Variants in VSTM2L observed in about 807,000 individuals in gnomAD.
VSTM2L encodes V-set and transmembrane domain-containing protein 2-like protein.
VSTM2L carries 9 observed loss-of-function variants against 19.9 expected under a neutral mutation model. The ratio of observed to expected loss-of-function variants is 0.45; its 90% CI spans 0.27 to 0.79. The LOEUF (loss-of-function observed/expected upper bound fraction) is 0.79. Ranked by LOEUF, VSTM2L falls within the 30% of genes least tolerant of loss-of-function variation. VSTM2L has a pLI of 0.15. For missense variants in VSTM2L, 286 were observed against 295.5 expected, an observed-to-expected ratio of 0.97 and a Z score of 0.24; for synonymous variants, 127 against 133.8, an observed-to-expected ratio of 0.95 and a Z score of 0.35.
At chr20:37,920,147 G>A (rs1323827002) in intron 1 of VSTM2L, among the ~76,000 whole-genome samples, 2 of 152,242 alleles carry the variant, frequency 1.3e-5, no homozygotes, top group Non-Finnish European at 2.9e-5. Context: ...AACGGAGCCA[G>A]CAGAAACAGG....
intron 3 of VSTM2L, among the ~76,000 whole-genome samples, chr20:37,942,867 T>C (rs954553821): frequency 2.6e-5 from 4 of 152,264 alleles, no homozygotes; most frequent in Non-Finnish European, 5.9e-5. Flanking sequence ...CAAACATCCT[T>C]GCTCCCCCCA....
chr20:37,916,097 G>A (rs2072817017), intron 1 of VSTM2L, among the ~76,000 whole-genome samples: 1 of 152,192 alleles, frequency 6.6e-6, no homozygotes, highest in Non-Finnish European at 1.5e-5. Context: ...CCTCCCGGCA[G>A]CAGAGGATGG....
chr20:37,906,565 G>A (rs2072753194), intron 1 of VSTM2L, among the ~76,000 whole-genome samples: 1 of 152,250 alleles, frequency 6.6e-6, no homozygotes, highest in African/African-American at 2.4e-5. Context: ...ATTCATGCAA[G>A]GTTGGTGTTG....
intron 1 of VSTM2L, among the ~76,000 whole-genome samples, chr20:37,916,661 A>T (rs955981141): frequency 1.3e-5 from 2 of 152,352 alleles, no homozygotes; most frequent in African/African-American, 4.8e-5. Context: ...ATCTGTAAGA[A>T]GAGGACAATG....
At position 37,924,584 on chromosome 20, in the gene VSTM2L, T is replaced by A. The variant is rs1042109984; in HGVS notation, c.122-7051T>A. On this transcript the variant is annotated intron_variant, in intron 1 of 3. Transcript: ENST00000373461. ...AAAAAAAAAAAACAAAACAAAATAA[T>A]AAATAAATAAACAAAACAAAGAGCT... Among the ~76,000 whole-genome samples the A allele has an allele frequency of 4.4e-4, 65 of 146,936 alleles. No homozygotes were observed. The East Asian group carries it at 8.0e-3, about 18-fold the overall frequency.
intron 1 of VSTM2L, among the ~76,000 whole-genome samples, chr20:37,908,025 G>A (rs190864801): frequency 7.2e-4 from 109 of 152,254 alleles, no homozygotes; most frequent in African/African-American, 2.5e-3. Flanking sequence ...TCTTTGTCTC[G>A]GGCGTTGGTG....
chr20:37,935,977 T>G (rs1238272170), intron 3 of VSTM2L, among the ~76,000 whole-genome samples: 1 of 151,212 alleles, frequency 6.6e-6, no homozygotes, highest in Non-Finnish European at 1.5e-5. Flanking sequence ...CTCCGCCTCC[T>G]GAGTTCGAGA....
intron 1 of VSTM2L, among the ~76,000 whole-genome samples, chr20:37,917,089 G>A (rs539146699): frequency 3.9e-5 from 6 of 152,248 alleles, no homozygotes; most frequent in Admixed American, 3.3e-4. Context: ...CAAGACGGGC[G>A]GATCACGAGG....
chr20:37,926,662 G>A (rs890819284), intron 1 of VSTM2L, among the ~76,000 whole-genome samples: 1 of 152,210 alleles, frequency 6.6e-6, no homozygotes, highest in South Asian at 2.1e-4. Flanking sequence ...CCAGCACAAG[G>A]CATTTGGACA....
chr20:37,928,630 C>T (rs531668759), intron 1 of VSTM2L, among the ~76,000 whole-genome samples: 2 of 152,210 alleles, frequency 1.3e-5, no homozygotes, highest in Non-Finnish European at 2.9e-5. Context: ...TGGCTCGTGC[C>T]TGTAGTTCCA....
At chr20:37,914,099 A>G (rs2072796179) in intron 1 of VSTM2L, among the ~76,000 whole-genome samples, 1 of 151,944 alleles carries the variant, frequency 6.6e-6, no homozygotes, top group African/African-American at 2.4e-5. Context: ...ACGTGGGATC[A>G]GAAAAAGAGG....
rs2072731082 is a variant in VSTM2L, at chr20:37,903,222, A to T, written c.-129A>T. The T allele has an allele frequency of 1.7e-6, 2 of 1,160,344 alleles. No homozygotes were observed. The highest frequency in any genetic ancestry group is 3.3e-4 in the Middle Eastern group (1 of 3,022). 71.9% of individuals were successfully genotyped at this position (1,160,344 alleles called of 1,614,324 possible). On this transcript the variant is annotated 5_prime_UTR_variant, in exon 1 of 4. Transcript: ENST00000373461. ...GCTGGGAGCTGGGCCGGGTCCGGGGACAGCGGGCGAGGGGCAGCTGCCGGA... is the reference window on the plus strand; with the variant it reads ...GCTGGGAGCTGGGCCGGGTCCGGGGTCAGCGGGCGAGGGGCAGCTGCCGGA...
intron 1 of VSTM2L, among the ~76,000 whole-genome samples, chr20:37,923,884 G>T (rs969911768): frequency 6.6e-6 from 1 of 152,154 alleles, no homozygotes; most frequent in Admixed American, 6.5e-5. Flanking sequence ...CTGAAAAGGG[G>T]GATAATAATG....
Position 37,918,963 on chromosome 20 carries a change from T to G in VSTM2L, c.122-12672T>G, listed in dbSNP as rs376681536. Among the ~76,000 whole-genome samples, 43 of 152,362 alleles carry G rather than the reference T, an allele frequency of 2.8e-4. 2 individuals are homozygous for G. Among genetic ancestry groups the G allele is most frequent in the African/African-American group, 9.9e-4 (41 of 41,574 alleles). On this transcript the variant is annotated intron_variant, in intron 1 of 3. Transcript: ENST00000373461. ...ATGGCCATATGAACAGTGCACATTC[T>G]GAACAACTGTACATGGCAGTCCAGG...
At chr20:37,940,646 AGTGGATATC>A (rs2072966852) in intron 3 of VSTM2L, among the ~76,000 whole-genome samples, 1 of 152,220 alleles carries the variant, frequency 6.6e-6, no homozygotes, top group Admixed American at 6.5e-5. Context: ...CCATCTGCAA[AGTGGATATC>A]GTTATGTGTA....
chr20:37,921,182 A>G (rs2072848743), intron 1 of VSTM2L, among the ~76,000 whole-genome samples: 1 of 152,200 alleles, frequency 6.6e-6, no homozygotes, highest in South Asian at 2.1e-4. Flanking sequence ...CTTCCACCCT[A>G]GCCTGAGGAG....
At chr20:37,939,574 C>G (rs1036910249) in intron 3 of VSTM2L, among the ~76,000 whole-genome samples, 3 of 152,130 alleles carry the variant, frequency 2.0e-5, no homozygotes, top group Non-Finnish European at 4.4e-5. Context: ...TTTGCCTTCT[C>G]CAGATTGTGC....
In VSTM2L at chr20:37,903,440, C is replaced by A. The variant is rs1248284461; in HGVS notation, c.90C>A (p.His30Gln). ...QLGGATRPAG[H>Q]APWDNHVSGH... ...GCGGCGCCACGCGGCCCGCCGGCCA[C>A]GCGCCCTGGGACAACCACGTCTCCG... Residue 30 changes from histidine (H) to glutamine (Q), a missense_variant, in exon 1 of 4, where the codon CAC becomes CAA. Physicochemically the swap from His to Gln is conservative, Grantham distance 24. Coordinates refer to ENST00000373461, the MANE Select transcript of VSTM2L (RefSeq NM_080607.3). 3 of 1,486,942 alleles carry A rather than the reference C, an allele frequency of 2.0e-6. No individual in the cohort carries two copies. The highest frequency in any genetic ancestry group is 2.7e-6 in the Non-Finnish European group (3 of 1,125,042). The allele number at this position is 1,486,942 out of a possible 1,614,324, so 92.1% of individuals were successfully genotyped here.
intron 1 of VSTM2L, among the ~76,000 whole-genome samples, chr20:37,903,893 C>T (rs75735503): frequency 0.024 from 3,605 of 151,302 alleles, 73 homozygotes; most frequent in Admixed American, 0.039. Flanking sequence ...TGCCAGCTGG[C>T]GCACACGCTT....
Sources: allele counts gnomAD v4.1 joint callset (sites outside exome capture counted in the v4.1 genomes callset), GRCh38; gene constraint gnomAD v4.1.1; transcripts MANE v1.5; gene names NCBI Gene and HGNC (gene_info 2026-07-23, HGNC 2026-07-21).